The following ADGRL3 variants were observed in gnomAD, a reference collection of about 807,000 sequenced individuals.
The protein encoded by ADGRL3 is calcium-independent alpha-latrotoxin receptor 3.
ADGRL3 carries 62 observed loss-of-function variants against 153.5 expected under a neutral mutation model. The observed-to-expected ratio is 0.40, with a 90% CI of 0.33 to 0.50. The LOEUF is 0.50. Among genes scored for constraint, ADGRL3 ranks in the 20% least tolerant of loss-of-function variants. The probability of loss-of-function intolerance (pLI) is 0.47; values close to 1 mark genes in which losing one functional copy is unlikely to be tolerated. For synonymous variants in ADGRL3, 710 were observed against 672.5 expected, an observed-to-expected ratio of 1.06 and a Z score of -0.86; for missense variants, 1,641 against 1,859.4, an observed-to-expected ratio of 0.88 and a Z score of 2.16.
chr4:61,409,284 T>TATATATATTAGACATCCATTATATATA (rs1491558093), intron 2 of ADGRL3, among the ~76,000 whole-genome samples: 4,235 of 136,612 alleles, frequency 0.031, 104 homozygotes, highest in South Asian at 0.072. Context: ...TAATATATAT[T>TATATATATTAGACATCCATTATATATA]ATATATATTA....
intron 2 of ADGRL3, among the ~76,000 whole-genome samples, chr4:61,472,959 A>T (rs906267775): frequency 6.6e-6 from 1 of 152,126 alleles, no homozygotes; most frequent in Admixed American, 6.6e-5. Context: ...TTAGGAGCCA[A>T]GGAATCTGAT....
At chr4:61,839,014 GT>G (rs771986446) in intron 9 of ADGRL3, among the ~76,000 whole-genome samples, 2 of 151,996 alleles carry the variant, frequency 1.3e-5, no homozygotes, top group Non-Finnish European at 2.9e-5. Flanking sequence ...TTTGTTTTTT[GT>G]TTTTGTTAAG....
chr4:61,240,025 T>A (rs750527561), intron 1 of ADGRL3, among the ~76,000 whole-genome samples: 17 of 152,132 alleles, frequency 1.1e-4, no homozygotes, highest in Admixed American at 2.6e-4. Context: ...TTACAAAATA[T>A]CTGAGAGTAG....
chr4:61,596,029 G>A (rs1004202596), intron 5 of ADGRL3, among the ~76,000 whole-genome samples: 3 of 152,106 alleles, frequency 2.0e-5, no homozygotes, highest in African/African-American at 4.8e-5. Context: ...CCACAGCCGG[G>A]GAATGGGGAG....
At chr4:61,701,684 G>A (rs779482390) in intron 6 of ADGRL3, among the ~76,000 whole-genome samples, 1 of 151,876 alleles carries the variant, frequency 6.6e-6, no homozygotes, top group Non-Finnish European at 1.5e-5. Flanking sequence ...TGATACACCT[G>A]CCTCATCCTC....
At chr4:61,674,137 G>C (rs187826832) in intron 5 of ADGRL3, among the ~76,000 whole-genome samples, 2 of 136,958 alleles carry the variant, frequency 1.5e-5, no homozygotes, top group African/African-American at 5.6e-5. Context: ...TAAATTTGTC[G>C]ATGCATTTTT....
intron 1 of ADGRL3, among the ~76,000 whole-genome samples, chr4:61,234,226 T>G (rs1751907728): frequency 3.3e-5 from 5 of 152,102 alleles, no homozygotes; most frequent in Admixed American, 3.3e-4. Context: ...TCCACATGGT[T>G]AGGGCGGCCT....
At chr4:61,903,672 A>G (rs1160518230) in intron 11 of ADGRL3, among the ~76,000 whole-genome samples, 1 of 150,784 alleles carries the variant, frequency 6.6e-6, no homozygotes, top group African/African-American at 2.4e-5. Context: ...AAAAAAAAAA[A>G]AAAAAAAAAA....
intron 4 of ADGRL3, among the ~76,000 whole-genome samples, chr4:61,563,614 A>G (rs1278338767): frequency 6.6e-6 from 1 of 152,230 alleles, no homozygotes; most frequent in East Asian, 1.9e-4. Flanking sequence ...GCCACATTCA[A>G]CAAGTATCTT....
intron 4 of ADGRL3, among the ~76,000 whole-genome samples, chr4:61,542,674 G>A (rs2098695856): frequency 6.6e-6 from 1 of 152,006 alleles, no homozygotes; most frequent in African/African-American, 2.4e-5. Flanking sequence ...TCCATTAAGG[G>A]GATGGAATGA....
intron 1 of ADGRL3, among the ~76,000 whole-genome samples, chr4:61,258,315 G>A (rs1190925122): frequency 6.6e-6 from 1 of 152,138 alleles, no homozygotes; most frequent in African/African-American, 2.4e-5. Flanking sequence ...TCTACATACA[G>A]CTCTTGCTAT....
intron 5 of ADGRL3, among the ~76,000 whole-genome samples, chr4:61,600,169 G>A (rs2099005217): frequency 6.6e-6 from 1 of 151,884 alleles, no homozygotes; most frequent in Non-Finnish European, 1.5e-5. Context: ...TTAGCTGGGT[G>A]TGGTGGCATG....
At chr4:61,393,315 A>G (rs2096834810) in intron 2 of ADGRL3, among the ~76,000 whole-genome samples, 1 of 152,174 alleles carries the variant, frequency 6.6e-6, no homozygotes, top group South Asian at 2.1e-4. Context: ...AAATACTTAA[A>G]GAAAAACAGT....
rs749889713 is a variant in ADGRL3 at position 62,070,258 on chromosome 4, G to A, written c.3982G>A (p.Ala1328Thr). Residue 1328 changes from alanine to threonine, a missense_variant, in exon 27 of 27, where the codon GCC (alanine) becomes ACC (threonine). Around this residue, in one of 5 missense-constraint regions of ADGRL3, gnomAD observed 517 missense variants for 555.0 expected, o/e 0.93. Coordinates refer to ENST00000683033, the MANE Select transcript of ADGRL3 (RefSeq NM_001387552.1). ...IDRGYNHNET[A>T]LEKKILKELT... is the part of the protein sequence containing the mutation. ...CCGTGGCTATAACCATAACGAGACC[G>A]CCCTAGAGAAAAAGATTCTGAAGGA... The A allele has an allele frequency of 1.7e-5, 27 of 1,607,100 alleles. No homozygotes were observed. Among genetic ancestry groups the A allele is most frequent in the African/African-American group, 9.4e-5 (7 of 74,688 alleles).
chr4:61,325,347 G>T (rs77701189), intron 1 of ADGRL3, among the ~76,000 whole-genome samples: 2 of 151,930 alleles, frequency 1.3e-5, no homozygotes, highest in Non-Finnish European at 2.9e-5. Flanking sequence ...ACAAAAAATA[G>T]CATGTAGACA....
At chr4:61,466,300 T>C (rs2097883555) in intron 2 of ADGRL3, among the ~76,000 whole-genome samples, 1 of 152,134 alleles carries the variant, frequency 6.6e-6, no homozygotes, top group Non-Finnish European at 1.5e-5. Context: ...TTTAGAAAAA[T>C]TGTCGTCTCT....
At chr4:61,212,039 T>C (rs1248112149) in intron 1 of ADGRL3, 1 of 152,192 alleles carries the variant, frequency 6.6e-6, no homozygotes, top group Admixed American at 6.5e-5. Context: ...ATCCCCAAGA[T>C]GTGACATCTG....
At chr4:61,741,788 C>A (rs1274885121) in intron 8 of ADGRL3, among the ~76,000 whole-genome samples, 6 of 152,190 alleles carry the variant, frequency 3.9e-5, no homozygotes, top group African/African-American at 7.2e-5. Context: ...GACTAGGTGA[C>A]CTTCCAAATG....
chr4:61,359,235 T>C (rs1177584767), intron 1 of ADGRL3, among the ~76,000 whole-genome samples: 1 of 152,198 alleles, frequency 6.6e-6, no homozygotes, highest in African/African-American at 2.4e-5. Context: ...TCTTTGCAAC[T>C]AGTTGGACTG....
Sources: gnomAD v4.1 joint callset for allele counts (sites outside exome capture counted in the v4.1 genomes callset) on GRCh38, gnomAD v4.1.1 for gene constraint, gnomAD v4.1.1 regional missense constraint, MANE v1.5 for transcripts, NCBI Gene and HGNC (gene_info 2026-07-23, HGNC 2026-07-21) for gene names.